DOCK8: variants seen among roughly 807,000 people sequenced by gnomAD.
DOCK8 encodes dedicator of cytokinesis 8.
A neutral mutation model predicts 245.6 loss-of-function variants in DOCK8; 141 were observed. The ratio of observed to expected loss-of-function variants is 0.57; its 90% CI spans 0.50 to 0.66. The LOEUF is 0.66. Among genes scored for constraint, DOCK8 ranks in the 30% least tolerant of loss-of-function variants. DOCK8 has a pLI of 0.00. For missense variants in DOCK8, 2,965 were observed against 2,603.4 expected (o/e 1.14, Z -3.02); for synonymous variants, 1,168 against 970.2 (o/e 1.20, Z -3.79).
chr9:264,663 A>C (rs540221505), intron 1 of DOCK8, among the ~76,000 whole-genome samples: 4 of 152,352 alleles, frequency 2.6e-5, no homozygotes, highest in African/African-American at 9.6e-5. Flanking sequence ...CTATAGATAT[A>C]TGTGTAGATA....
intron 1 of DOCK8, among the ~76,000 whole-genome samples, chr9:244,462 G>C (rs774697170): frequency 3.9e-5 from 6 of 151,902 alleles, no homozygotes; most frequent in Non-Finnish European, 7.4e-5. Context: ...TATACGCACA[G>C]AGCACTCTCT....
intron 26 of DOCK8, among the ~76,000 whole-genome samples, chr9:401,640 A>AT (rs1255838986): frequency 1.3e-5 from 2 of 152,136 alleles, no homozygotes; most frequent in African/African-American, 4.8e-5. Flanking sequence ...GCATGGTAAA[A>AT]TTTGAGTTAG....
intron 26 of DOCK8, among the ~76,000 whole-genome samples, chr9:400,198 A>G (rs1194217040): frequency 1.8e-5 from 2 of 111,214 alleles, no homozygotes; most frequent in Non-Finnish European, 3.8e-5. Context: ...CACCATCACC[A>G]TCACCACCAC....
rs558636709 is a variant in DOCK8 at position 373,562 on chromosome 9, C to T, written c.2109+1276C>T. On this transcript the variant is annotated intron_variant, in intron 18 of 47. Transcript: ENST00000432829. ...GAGACGCTTTTAATCTACAGATCCTCCATCTCTTTTGCTTTCCTTGCAATT... is the reference window on the plus strand; with the variant it reads ...GAGACGCTTTTAATCTACAGATCCTTCATCTCTTTTGCTTTCCTTGCAATT... 2.0e-5 allele frequency among the ~76,000 whole-genome samples: 3 copies of T among 152,320 alleles called. No homozygotes were observed. The South Asian group carries it at 6.2e-4, about 32-fold the overall frequency.
At chr9:220,026 C>G (rs896421084) in intron 1 of DOCK8, among the ~76,000 whole-genome samples, 1 of 152,164 alleles carries the variant, frequency 6.6e-6, no homozygotes, top group African/African-American at 2.4e-5. Context: ...TATATGTATT[C>G]AAATGTATAG....
At position 362,463 on chromosome 9, in the gene DOCK8, A is replaced by G. The variant is rs183980110; in HGVS notation, c.1680-5555A>G. ...GCCTTAAAGGGTGCAGCATCTTCCA[A>G]CTTTGCTCCAGCAACTTCAGCTCCT... On this transcript the variant is annotated intron_variant, in intron 14 of 47. Coordinates refer to ENST00000432829, the MANE Select transcript of DOCK8 (RefSeq NM_203447.4). Among the ~76,000 whole-genome samples, 3 of 152,240 alleles carry G rather than the reference A, an allele frequency of 2.0e-5. No individual in the cohort carries two copies. The East Asian group carries it at 5.8e-4, about 29-fold the overall frequency.
intron 1 of DOCK8, among the ~76,000 whole-genome samples, chr9:258,447 C>T (rs1156732372): frequency 6.6e-6 from 1 of 152,102 alleles, no homozygotes. Flanking sequence ...TCAACAGCAT[C>T]CAACAATGTG....
At chr9:248,975 T>C (rs536775213) in intron 1 of DOCK8, among the ~76,000 whole-genome samples, 5 of 152,312 alleles carry the variant, frequency 3.3e-5, no homozygotes, top group Admixed American at 2.6e-4. Context: ...TGCACACTTA[T>C]GGAAAGAGGG....
intron 2 of DOCK8, chr9:273,161 T>C (rs1466443696): frequency 1.1e-6 from 1 of 940,760 alleles, no homozygotes. Context: ...GTTGCGTCAT[T>C]AATGAAATAG....
chr9:400,396 A>T (rs1042337333), intron 26 of DOCK8, among the ~76,000 whole-genome samples: 13 of 68,528 alleles, frequency 1.9e-4, no homozygotes, highest in South Asian at 5.4e-4. Context: ...CATCACCACC[A>T]CCTCCACCAT....
At position 260,391 on chromosome 9, in the gene DOCK8, T is replaced by C. The variant is rs2047890011; in HGVS notation, c.54-11236T>C. ...ATGTTGGTTTTGCTTATCAAATAAA[T>C]GGATTCTTGGTTCTTCAGGATAGTT... On this transcript the variant is annotated intron_variant, in intron 1 of 47. Coordinates refer to ENST00000432829, the MANE Select transcript of DOCK8 (RefSeq NM_203447.4). Among the ~76,000 whole-genome samples, 2 of 152,238 alleles carry C rather than the reference T, an allele frequency of 1.3e-5. 1 individual carries two copies. Among genetic ancestry groups the C allele is most frequent in the Non-Finnish European group, 2.9e-5 (2 of 68,036 alleles).
At chr9:400,115 CCACCAGCATCTTCACCAT>C (rs2054744366) in intron 26 of DOCK8, among the ~76,000 whole-genome samples, 13 of 71,536 alleles carry the variant, frequency 1.8e-4, no homozygotes, top group Non-Finnish European at 2.2e-4. Flanking sequence ...ACCTCCACCA[CCACCAGCATCTTCACCAT>C]CACCACCACC....
intron 1 of DOCK8, among the ~76,000 whole-genome samples, chr9:240,900 C>T (rs2047360474): frequency 6.6e-6 from 1 of 151,862 alleles, no homozygotes; most frequent in Admixed American, 6.6e-5. Context: ...GTTATGAGAA[C>T]TGAGTGAGAC....
chr9:385,976 G>T (rs746570494), intron 22 of DOCK8, among the ~76,000 whole-genome samples: 4 of 152,126 alleles, frequency 2.6e-5, no homozygotes, highest in Non-Finnish European at 4.4e-5. Context: ...AGACAGCGTG[G>T]TGCAGTACCG....
At chr9:417,264 T>C (rs1038668672) in intron 29 of DOCK8, among the ~76,000 whole-genome samples, 1 of 152,192 alleles carries the variant, frequency 6.6e-6, no homozygotes, top group African/African-American at 2.4e-5. Flanking sequence ...GCCTGGATGA[T>C]AGTGTGAGAC....
intron 1 of DOCK8, among the ~76,000 whole-genome samples, chr9:261,866 T>G (rs2047924649): frequency 6.6e-6 from 1 of 152,160 alleles, no homozygotes; most frequent in Admixed American, 6.6e-5. Flanking sequence ...GTAATGCTTC[T>G]TAAAGTCCAT....
At chr9:290,016 A>G (rs1050350070) in intron 4 of DOCK8, among the ~76,000 whole-genome samples, 1 of 152,136 alleles carries the variant, frequency 6.6e-6, no homozygotes, top group African/African-American at 2.4e-5. Context: ...TACTGTCTCC[A>G]TAATTCCACC....
chr9:220,362 T>C (rs1189745692), intron 1 of DOCK8, among the ~76,000 whole-genome samples: 1 of 152,210 alleles, frequency 6.6e-6, no homozygotes, highest in East Asian at 1.9e-4. Flanking sequence ...TTATGTATAT[T>C]GATGAAGCTA....
intron 12 of DOCK8, 71 bp from the exon 13 acceptor site, chr9:338,935 C>G (rs1402611190): frequency 7.6e-7 from 1 of 1,319,362 alleles, no homozygotes; most frequent in Admixed American, 1.7e-5. Flanking sequence ...AAAAATCTTC[C>G]CAGAAATCGT....
Sources: allele counts gnomAD v4.1 joint callset (sites outside exome capture counted in the v4.1 genomes callset), GRCh38; gene constraint gnomAD v4.1.1; transcripts MANE v1.5; gene names NCBI Gene and HGNC (gene_info 2026-07-23, HGNC 2026-07-21).